The following SPOCK3 variants were observed in gnomAD, a reference collection of about 807,000 sequenced individuals.
The protein encoded by SPOCK3 is SPARC (osteonectin), cwcv and kazal like domains proteoglycan 3.
A neutral mutation model predicts 56.6 loss-of-function variants in SPOCK3; 30 were observed. The observed-to-expected ratio is 0.53, with a 90% CI of 0.40 to 0.72. SPOCK3 has a LOEUF of 0.72. Ranked by LOEUF, SPOCK3 falls within the 30% of genes least tolerant of loss-of-function variation. The pLI, the probability that SPOCK3 is intolerant of heterozygous loss-of-function variation, is 0.00. For synonymous variants in SPOCK3, 196 were observed against 183.3 expected (o/e 1.07, Z -0.56); for missense variants, 527 against 530.0 (o/e 0.99, Z 0.06).
chr4:167,159,783 C>T lies in SPOCK3; in HGVS notation c.189+74202G>A, dbSNP rs576185374. Among the ~76,000 whole-genome samples the T allele has an allele frequency of 4.6e-5, 7 of 152,192 alleles. No homozygotes were observed. In the South Asian group the frequency reaches 1.5e-3, roughly 32 times the overall value. On this transcript the variant is annotated intron_variant, in intron 2 of 10. Coordinates refer to ENST00000357545, the MANE Select transcript of SPOCK3 (RefSeq NM_001040159.2). ...TCCAGCATATAAACAGAACTAAAGA[C>T]AAAAACCACATGATTATCTCAATAG...
chr4:167,109,506 T>G (rs1487004144), intron 2 of SPOCK3, among the ~76,000 whole-genome samples: 1 of 118,666 alleles, frequency 8.4e-6, no homozygotes, highest in Non-Finnish European at 1.6e-5. Context: ...ATATTTTATA[T>G]AAAATATAAT....
intron 2 of SPOCK3, among the ~76,000 whole-genome samples, chr4:167,209,290 A>G (rs913001859): frequency 2.0e-5 from 3 of 152,126 alleles, no homozygotes; most frequent in African/African-American, 7.2e-5. Context: ...TGAAAATATT[A>G]TTTTTAAATT....
At chr4:166,750,038 A>G (rs918013743) in intron 8 of SPOCK3, among the ~76,000 whole-genome samples, 1 of 152,160 alleles carries the variant, frequency 6.6e-6, no homozygotes, top group Non-Finnish European at 1.5e-5. Context: ...CGGAATTTTG[A>G]TTAGTAACCT....
chr4:167,082,297 C>A (rs967303394), intron 2 of SPOCK3, among the ~76,000 whole-genome samples: 3 of 151,984 alleles, frequency 2.0e-5, no homozygotes, highest in African/African-American at 7.2e-5. Context: ...AGCCTCAAAC[C>A]CCTTGTGTGA....
intron 7 of SPOCK3, among the ~76,000 whole-genome samples, chr4:166,764,086 C>G (rs1038969331): frequency 3.9e-5 from 6 of 152,052 alleles, no homozygotes; most frequent in Non-Finnish European, 8.8e-5. Context: ...TTCCACCTAG[C>G]CACCATCCAT....
intron 4 of SPOCK3, among the ~76,000 whole-genome samples, chr4:166,951,034 G>T (rs1247500693): frequency 7.4e-6 from 1 of 134,662 alleles, no homozygotes; most frequent in East Asian, 2.1e-4. Flanking sequence ...AACTAGAAAA[G>T]CAAGAGCAAA....
chr4:166,746,848 G>A (rs13126640), intron 8 of SPOCK3, among the ~76,000 whole-genome samples: 119,708 of 151,608 alleles, frequency 0.79, 47,502 homozygotes, highest in South Asian at 0.82. Flanking sequence ...AGAGAATACT[G>A]TAAACACCTT....
At chr4:167,157,978 C>A (rs1391208230) in intron 2 of SPOCK3, among the ~76,000 whole-genome samples, 1 of 151,814 alleles carries the variant, frequency 6.6e-6, no homozygotes, top group East Asian at 1.9e-4. Context: ...ATATTATTTT[C>A]AATTTTTATT....
intron 2 of SPOCK3, among the ~76,000 whole-genome samples, chr4:167,224,464 G>C (rs1165526067): frequency 2.0e-5 from 3 of 152,042 alleles, no homozygotes; most frequent in Admixed American, 6.6e-5. Context: ...ACATAAAAAA[G>C]CTTAAGAGAA....
At chr4:166,773,173 A>G (rs1214539931) in intron 7 of SPOCK3, among the ~76,000 whole-genome samples, 1 of 152,154 alleles carries the variant, frequency 6.6e-6, no homozygotes, top group Non-Finnish European at 1.5e-5. Context: ...TCCTCTATTC[A>G]TTATGATTAT....
At chr4:167,198,262 A>G (rs1256722902) in intron 2 of SPOCK3, among the ~76,000 whole-genome samples, 3 of 152,158 alleles carry the variant, frequency 2.0e-5, no homozygotes, top group African/African-American at 7.2e-5. Context: ...AAAAAATTAA[A>G]GTCTTTCTGT....
chr4:167,213,383 G>T (rs529514828), intron 2 of SPOCK3, among the ~76,000 whole-genome samples: 37 of 152,058 alleles, frequency 2.4e-4, no homozygotes, highest in Non-Finnish European at 5.0e-4. Context: ...GCTATTTGAT[G>T]ATATTAAATA....
chr4:167,111,416 C>T (rs1296319189), intron 2 of SPOCK3, among the ~76,000 whole-genome samples: 1 of 151,986 alleles, frequency 6.6e-6, no homozygotes, highest in East Asian at 1.9e-4. Flanking sequence ...CCCTCACTGA[C>T]AGGATGATCA....
chr4:167,156,018 G>C (rs960584830), intron 2 of SPOCK3, among the ~76,000 whole-genome samples: 2 of 151,888 alleles, frequency 1.3e-5, no homozygotes, highest in African/African-American at 4.8e-5. Context: ...AAAAAAAAAA[G>C]TTGTTCTAGC....
intron 4 of SPOCK3, among the ~76,000 whole-genome samples, chr4:166,958,048 C>A (rs1347056806): frequency 6.6e-6 from 1 of 152,066 alleles, no homozygotes; most frequent in Non-Finnish European, 1.5e-5. Context: ...CATGTCCCTG[C>A]CAAAATCTCA....
chr4:166,930,626 A>G (rs962533463), intron 4 of SPOCK3, among the ~76,000 whole-genome samples: 1 of 152,232 alleles, frequency 6.6e-6, no homozygotes, highest in Non-Finnish European at 1.5e-5. Context: ...AAATTACTAC[A>G]TGATGAAAAG....
At chr4:167,134,510 A>G (rs770729426) in intron 2 of SPOCK3, among the ~76,000 whole-genome samples, 3 of 152,166 alleles carry the variant, frequency 2.0e-5, no homozygotes, top group Non-Finnish European at 4.4e-5. Flanking sequence ...TAATAGCATG[A>G]AAACTGTCTG....
At chr4:166,820,750 T>C (rs543641789) in intron 6 of SPOCK3, among the ~76,000 whole-genome samples, 1 of 151,816 alleles carries the variant, frequency 6.6e-6, no homozygotes, top group Non-Finnish European at 1.5e-5. Context: ...CTGGAGCCTG[T>C]GAGGTGGAGG....
chr4:166,861,084 C>T (rs1731206739), intron 6 of SPOCK3, among the ~76,000 whole-genome samples: 2 of 151,834 alleles, frequency 1.3e-5, no homozygotes, highest in South Asian at 4.1e-4. Flanking sequence ...TAGGATCATC[C>T]AAAAGCCATG....
Sources: gnomAD v4.1 joint callset for allele counts (sites outside exome capture counted in the v4.1 genomes callset) on GRCh38, gnomAD v4.1.1 for gene constraint, MANE v1.5 for transcripts, NCBI Gene and HGNC (gene_info 2026-07-23, HGNC 2026-07-21) for gene names.